Variants in LAMB1 observed in about 807,000 individuals in gnomAD.
LAMB1 encodes laminin subunit beta 1.
Under a neutral mutation model 222.3 loss-of-function variants are expected in LAMB1, and 121 were observed. That is an observed-to-expected ratio of 0.54 (90% CI 0.47 to 0.63). The LOEUF is 0.63. Ranked by LOEUF, LAMB1 falls within the 30% of genes least tolerant of loss-of-function variation. The probability of loss-of-function intolerance (pLI) is 0.00; values close to 1 mark genes in which losing one functional copy is unlikely to be tolerated. For synonymous variants in LAMB1, 794 were observed against 807.2 expected (o/e 0.98, Z 0.28); for missense variants, 2,172 against 2,240.8 (o/e 0.97, Z 0.62).
intron 25 of LAMB1, among the ~76,000 whole-genome samples, chr7:107,938,193 G>T (rs896570065): frequency 6.6e-6 from 1 of 152,110 alleles, no homozygotes; most frequent in Non-Finnish European, 1.5e-5. Flanking sequence ...TGAAAGGTTG[G>T]GAGCCATTAG....
intron 5 of LAMB1, among the ~76,000 whole-genome samples, chr7:107,994,010 C>T (rs1022953278): frequency 1.3e-5 from 2 of 152,228 alleles, no homozygotes; most frequent in African/African-American, 4.8e-5. Context: ...GTGAGACTTT[C>T]ATGGCTACCC....
At chr7:107,941,822 CTTTTTTTTTTTTTTTTTTTTT>C (rs774447066) in intron 24 of LAMB1, among the ~76,000 whole-genome samples, 1,237 of 31,882 alleles carry the variant, frequency 0.039, 29 homozygotes, top group Admixed American at 0.062. Context: ...CCACACCCGG[CTTTTTTTTTTTTTTTTTTTTT>C]TTTTTTTTTT....
intron 20 of LAMB1, among the ~76,000 whole-genome samples, chr7:107,956,386 G>T (rs1016987839): frequency 1.3e-5 from 2 of 152,158 alleles, no homozygotes; most frequent in Admixed American, 6.5e-5. Flanking sequence ...TCCTCCCACC[G>T]AGTTTCTGAT....
intron 8 of LAMB1, 140 bp downstream of exon 8, chr7:107,980,469 T>A (rs1181349993): frequency 1.6e-6 from 1 of 638,042 alleles, no homozygotes; most frequent in African/African-American, 1.8e-5. Flanking sequence ...ATCAGCTACC[T>A]GTATGGTGCA....
In LAMB1 at chr7:107,929,107, T is replaced by A. The variant is rs764269113; in HGVS notation, c.4844A>T (p.Gln1615Leu). The part of the protein sequence containing the change: ...AQVAAEKAIK[Q>L]ADEDIQGTQN... ...GGTTCCTTGAATGTCTTCATCTGCT[T>A]GTTTAATTGCCTTCTCTGCTGCGAC... Residue 1615 changes from glutamine (Q) to leucine (L), a missense_variant, in exon 31 of 34, where the codon CAA (glutamine) becomes CTA (leucine). Gln to Leu is a moderately radical substitution (Grantham distance 113, BLOSUM62 -2). Transcript: ENST00000222399. 15 of 1,613,986 alleles carry A rather than the reference T, an allele frequency of 9.3e-6. No homozygotes were observed. Among genetic ancestry groups the A allele is most frequent in the Non-Finnish European group, 1.3e-5 (15 of 1,180,012 alleles).
intron 31 of LAMB1, 79 bp from the exon 32 acceptor site, chr7:107,926,438 TAA>T: frequency 8.1e-7 from 1 of 1,235,632 alleles, no homozygotes; most frequent in Non-Finnish European, 1.1e-6. Context: ...GAGGAAGATT[TAA>T]AAGTCTGCTG....
chr7:107,979,496 A>G (rs973758708), intron 8 of LAMB1, among the ~76,000 whole-genome samples: 1 of 152,184 alleles, frequency 6.6e-6, no homozygotes, highest in Non-Finnish European at 1.5e-5. Context: ...GCTCTCTAGT[A>G]AATTACTTAA....
intron 5 of LAMB1, among the ~76,000 whole-genome samples, chr7:107,987,658 G>A (rs1335504285): frequency 1.3e-5 from 2 of 152,052 alleles, no homozygotes; most frequent in African/African-American, 2.4e-5. Flanking sequence ...GCACCACCAC[G>A]CCTGGCTAAT....
chr7:107,954,273 G>A (rs574659246), intron 21 of LAMB1, among the ~76,000 whole-genome samples: 4 of 151,782 alleles, frequency 2.6e-5, no homozygotes, highest in Admixed American at 6.6e-5. Flanking sequence ...TCCCACTTCA[G>A]CTTTCCCAGC....
rs774952257 is a variant in LAMB1 at position 107,937,178 on chromosome 7, A to G, written c.3861T>C (p.Ser1287=). 23 of 1,613,976 alleles carry G rather than the reference A, an allele frequency of 1.4e-5. No homozygotes were observed. Among genetic ancestry groups the G allele is most frequent in the Non-Finnish European group, 1.9e-5 (23 of 1,179,960 alleles). Residue 1287 remains serine (S), a synonymous_variant, in exon 26 of 34, where the codon TCT becomes TCC. Transcript: ENST00000222399. ...CTAGGCTTTCGGCTTCTGTCTGTAGAGAATCCAGTTCTTTGGCTGTGCTGT... is the reference window on the plus strand; with the variant it reads ...CTAGGCTTTCGGCTTCTGTCTGTAGGGAATCCAGTTCTTTGGCTGTGCTGT... ...QSNSTAKELD[S]LQTEAESLDN... is the part of the protein sequence containing the mutation.
Position 107,974,993 on chromosome 7 carries a change from T to C in LAMB1, c.1475A>G (p.Gln492Arg). ...TAATGAGGATTTACTTACCAGGCAC[T>C]GGTCACAATGCTGTCCTGTCACCAG... ...KRLVTGQHCDQCLPEHWGLSN... is the reference protein window; with the variant it reads ...KRLVTGQHCDRCLPEHWGLSN... The change falls in exon 12 of 34, where the codon CAG (glutamine) becomes CGG (arginine). Residue 492 changes from glutamine (Q) to arginine (R), a missense_variant. Coordinates refer to ENST00000222399, the MANE Select transcript of LAMB1 (RefSeq NM_002291.3). The C allele has an allele frequency of 1.3e-6, 2 of 1,586,008 alleles. No homozygotes were observed. Among genetic ancestry groups the C allele is most frequent in the East Asian group, 2.2e-5 (1 of 44,742 alleles).
chr7:107,982,319 T>C (rs2033988165), intron 7 of LAMB1, among the ~76,000 whole-genome samples: 1 of 152,342 alleles, frequency 6.6e-6, no homozygotes, highest in East Asian at 1.9e-4. Context: ...TGCATTCTTA[T>C]AAATTACAAC....
intron 9 of LAMB1, among the ~76,000 whole-genome samples, 153 bp downstream of exon 9, chr7:107,977,894 T>C (rs1247703418): frequency 6.6e-6 from 1 of 152,164 alleles, no homozygotes; most frequent in Non-Finnish European, 1.5e-5. Flanking sequence ...TGAATGCAGA[T>C]TGTTGGTTGT....
chr7:107,937,116 A>C lies in LAMB1; in HGVS notation c.3923T>G (p.Phe1308Cys), dbSNP rs78376004. 8 of 1,613,774 alleles carry C rather than the reference A, an allele frequency of 5.0e-6. No individual in the cohort carries two copies. Among genetic ancestry groups the C allele is most frequent in the Non-Finnish European group, 6.8e-6 (8 of 1,179,886 alleles). ...TVKELAEQLE[F>C]IKNSDIRGAL... is the part of the protein sequence containing the mutation. ...ACCCCGAATATCTGAGTTTTTGATA[A>C]ATTCCAGTTGTTCAGCAAGTTCTTT... The change falls in exon 26 of 34, where the codon TTT (phenylalanine) becomes TGT (cysteine). Residue 1308 changes from phenylalanine to cysteine, a missense_variant. Coordinates refer to ENST00000222399, the MANE Select transcript of LAMB1 (RefSeq NM_002291.3).
chr7:107,987,294 G>A (rs1351039014), intron 5 of LAMB1, among the ~76,000 whole-genome samples: 3 of 152,192 alleles, frequency 2.0e-5, no homozygotes, highest in African/African-American at 7.2e-5. Context: ...ACCAGGGGCT[G>A]GGCAGAGGGA....
At chr7:107,964,419 G>T in intron 14 of LAMB1, 133 bp downstream of exon 14, 2 of 1,050,274 alleles carry the variant, frequency 1.9e-6, no homozygotes, top group Non-Finnish European at 2.9e-6. Flanking sequence ...GGAAGGCATG[G>T]TCCTGATCCT....
chr7:107,981,175 G>A (rs6959803), intron 7 of LAMB1, among the ~76,000 whole-genome samples: 8,468 of 152,154 alleles, frequency 0.056, 333 homozygotes, highest in Admixed American at 0.11. Flanking sequence ...GACCGGGCGC[G>A]GTGGCTCACA....
chr7:107,975,457 C>T, intron 10 of LAMB1, 44 bp from the exon 11 acceptor site: 1 of 1,532,130 alleles, frequency 6.5e-7, no homozygotes, highest in African/African-American at 1.4e-5. Flanking sequence ...GGAGGAAACT[C>T]AATGTATCTT....
At chr7:107,942,012 T>C (rs1171350893) in intron 24 of LAMB1, 3 of 149,596 alleles carry the variant, frequency 2.0e-5, no homozygotes, top group Non-Finnish European at 3.0e-5. Context: ...TTTTTTTTTT[T>C]TTGGAAGAGT....
Sources: allele counts gnomAD v4.1 joint callset (sites outside exome capture counted in the v4.1 genomes callset), GRCh38; gene constraint gnomAD v4.1.1; transcripts MANE v1.5; gene names NCBI Gene and HGNC (gene_info 2026-07-23, HGNC 2026-07-21).